CD160: variants seen among roughly 807,000 people sequenced by gnomAD.
CD160 encodes the protein CD160 antigen.
In CD160, 11 loss-of-function variants were observed where a neutral mutation model predicts 19.2. The ratio of observed to expected loss-of-function variants is 0.57; its 90% CI spans 0.36 to 0.95. The LOEUF (loss-of-function observed/expected upper bound fraction) is 0.95, where lower values mean the gene tolerates loss of function less well. Among genes scored for constraint, CD160 ranks in the 40% least tolerant of loss-of-function variants. CD160 has a pLI of 0.01. For synonymous variants in CD160, 75 were observed against 81.1 expected (o/e 0.93, Z 0.40); for missense variants, 182 against 213.2 (o/e 0.85, Z 0.91).
At chr1:145,725,247 G>C (rs587763788) in intron 2 of CD160, among the ~76,000 whole-genome samples, 4 of 151,826 alleles carry the variant, frequency 2.6e-5, no homozygotes, top group Middle Eastern at 3.4e-3. Context: ...GTGAAACCCC[G>C]TCTCTACTAA....
chr1:145,728,432 T>TG (rs1553708685), intron 3 of CD160, 32 bp downstream of exon 3: 1 of 1,431,504 alleles, frequency 7.0e-7, no homozygotes, highest in Admixed American at 1.7e-5. Flanking sequence ...GAGACGGCCA[T>TG]GGGGAGGATC....
intron 2 of CD160, among the ~76,000 whole-genome samples, chr1:145,726,103 G>A (rs1035920840): frequency 2.2e-4 from 34 of 152,196 alleles, no homozygotes; most frequent in African/African-American, 7.7e-4. Context: ...TGGAGAAGAT[G>A]TGGAGAAATA....
At chr1:145,722,853 CA>C (rs1553707982) in intron 1 of CD160, among the ~76,000 whole-genome samples, 1 of 152,140 alleles carries the variant, frequency 6.6e-6, no homozygotes, top group Non-Finnish European at 1.5e-5. Flanking sequence ...CTCGGCCTCC[CA>C]AAGTGCTGGG....
intron 2 of CD160, among the ~76,000 whole-genome samples, chr1:145,727,207 T>C (rs2101379632): frequency 6.6e-6 from 1 of 152,258 alleles, no homozygotes; most frequent in South Asian, 2.1e-4. Flanking sequence ...ATTTATTTTA[T>C]ATACATAATT....
At chr1:145,735,224 G>T (rs1037502722) in intron 4 of CD160, among the ~76,000 whole-genome samples, 1 of 152,182 alleles carries the variant, frequency 6.6e-6, no homozygotes, top group Non-Finnish European at 1.5e-5. Context: ...GGTCTTTTGA[G>T]CTATTGTCCT....
intron 5 of CD160, 165 bp from the exon 6 acceptor site, chr1:145,738,321 A>G: frequency 2.4e-6 from 1 of 414,032 alleles, no homozygotes; most frequent in South Asian, 1.0e-4. Flanking sequence ...CTAATTTAGT[A>G]ATAAGATGCA....
chr1:145,733,599 T>C (rs1571685996), intron 4 of CD160, among the ~76,000 whole-genome samples: 2 of 152,312 alleles, frequency 1.3e-5, no homozygotes, highest in South Asian at 4.1e-4. Context: ...ACTTTGTTCC[T>C]TGCTTCCTGG....
chr1:145,721,890 T>A (rs189063151), intron 1 of CD160, among the ~76,000 whole-genome samples: 1 of 152,304 alleles, frequency 6.6e-6, no homozygotes, highest in Admixed American at 6.5e-5. Context: ...TATGACCTTA[T>A]TACTTAGTAC....
At position 145,739,019 on chromosome 1, in the gene CD160, T is replaced by A. The variant is rs1386644764; in HGVS notation, c.*526T>A. 6.5e-6 allele frequency: 1 copy of A among 153,788 alleles called. No homozygotes were observed. The highest frequency in any genetic ancestry group is 1.7e-4 in the East Asian group (1 of 5,740). The allele number at this position is 153,788 out of a possible 1,614,324, so 9.5% of individuals were successfully genotyped here. On this transcript the variant is annotated 3_prime_UTR_variant, in exon 6 of 6. Coordinates refer to ENST00000369288, the MANE Select transcript of CD160 (RefSeq NM_007053.4). ...AGACAGACCTCAACATTCAACAACATCCATACAGCACTGCTGGAGGAAGAG... is the reference window on the plus strand; with the variant it reads ...AGACAGACCTCAACATTCAACAACAACCATACAGCACTGCTGGAGGAAGAG...
At chr1:145,725,075 T>A (rs1274265527) in intron 2 of CD160, among the ~76,000 whole-genome samples, 169 bp downstream of exon 2, 2 of 151,684 alleles carry the variant, frequency 1.3e-5, no homozygotes, top group South Asian at 4.2e-4. Context: ...TTTCAATTTT[T>A]AAAAATTTAA....
chr1:145,737,137 T>A (rs1553710308), intron 5 of CD160: 1 of 151,684 alleles, frequency 6.6e-6, no homozygotes, highest in Non-Finnish European at 1.5e-5. Flanking sequence ...GGCACACAAC[T>A]GTAGTCCCAA....
At chr1:145,733,740 C>T (rs1397327993) in intron 4 of CD160, among the ~76,000 whole-genome samples, 1 of 152,036 alleles carries the variant, frequency 6.6e-6, no homozygotes, top group African/African-American at 2.4e-5. Context: ...GTTCTTTTGT[C>T]TTCTCTATTT....
chr1:145,719,985 AT>A (rs1316279383), intron 1 of CD160, among the ~76,000 whole-genome samples: 1 of 152,154 alleles, frequency 6.6e-6, no homozygotes, highest in African/African-American at 2.4e-5. Context: ...GAATAGATTT[AT>A]TCATGGGATT....
At chr1:145,730,189 G>A (rs1265085420) in intron 3 of CD160, among the ~76,000 whole-genome samples, 1 of 152,110 alleles carries the variant, frequency 6.6e-6, no homozygotes, top group African/African-American at 2.4e-5. Flanking sequence ...GCATAGTGGT[G>A]CATACCTGTA....
At chr1:145,723,866 C>CCA (rs1656953071) in intron 1 of CD160, among the ~76,000 whole-genome samples, 1 of 152,160 alleles carries the variant, frequency 6.6e-6, no homozygotes, top group Admixed American at 6.5e-5. Flanking sequence ...GTGTGAGCCA[C>CCA]CACACCTGGC....
chr1:145,720,876 C>T (rs1016883646), intron 1 of CD160, among the ~76,000 whole-genome samples: 1 of 152,322 alleles, frequency 6.6e-6, no homozygotes, highest in East Asian at 1.9e-4. Context: ...ACTCCAGGAC[C>T]GCCTCCGAAG....
intron 4 of CD160, among the ~76,000 whole-genome samples, chr1:145,732,806 G>A (rs1553709585): frequency 1.3e-5 from 2 of 152,142 alleles, no homozygotes; most frequent in African/African-American, 4.8e-5. Flanking sequence ...ATGTAAACAT[G>A]ACTAATTTAA....
intron 3 of CD160, 78 bp from the exon 4 acceptor site, chr1:145,730,666 C>CT (rs1442312753): frequency 2.5e-5 from 29 of 1,174,818 alleles, no homozygotes; most frequent in Non-Finnish European, 3.3e-5. Flanking sequence ...TTGAAGACTT[C>CT]TAGTGATAAG....
Position 145,731,086 on chromosome 1 carries a change from C to G in CD160, c.400+16C>G, listed in dbSNP as rs1553709177. On this transcript the variant is annotated intron_variant, in intron 4 of 5. Transcript: ENST00000369288. ...CTATTCACAGGTGAGTGCTCAAATA[C>G]TCCTAATGCCACCAGGTGGGACAGT... 1 of 1,594,144 alleles carries G rather than the reference C, an allele frequency of 6.3e-7. No homozygotes were observed. Among genetic ancestry groups the G allele is most frequent in the East Asian group, 2.2e-5 (1 of 44,756 alleles).
Sources: allele counts gnomAD v4.1 joint callset (sites outside exome capture counted in the v4.1 genomes callset), GRCh38; gene constraint gnomAD v4.1.1; transcripts MANE v1.5; gene names NCBI Gene and HGNC (gene_info 2026-07-23, HGNC 2026-07-21).